Variants in AKAP9 observed in about 807,000 individuals in gnomAD.
AKAP9 encodes A-kinase anchor protein 9.
Under a neutral mutation model 488.5 loss-of-function variants are expected in AKAP9, and 311 were observed. The observed-to-expected ratio is 0.64, with a 90% confidence interval of 0.58 to 0.70. The LOEUF is 0.70. Among genes scored for constraint, AKAP9 ranks in the 30% least tolerant of loss-of-function variants. AKAP9 has a pLI of 0.00. For missense variants in AKAP9, 4,215 were observed against 4,374.5 expected, an observed-to-expected ratio of 0.96 and a Z score of 1.03; for synonymous variants, 1,462 against 1,483.5, an observed-to-expected ratio of 0.99 and a Z score of 0.33.
intron 28 of AKAP9, among the ~76,000 whole-genome samples, chr7:92,073,234 C>G (rs541229994): frequency 1.3e-5 from 2 of 151,928 alleles, no homozygotes. Context: ...TGGTGACTCA[C>G]GCCTGTAATC....
intron 14 of AKAP9, among the ~76,000 whole-genome samples, chr7:92,026,154 G>A (rs1157215415): frequency 2.6e-5 from 4 of 152,020 alleles, no homozygotes; most frequent in Admixed American, 2.0e-4. Context: ...GAAAATGAAG[G>A]TACATCATAT....
At chr7:92,028,471 G>A (rs1803690277) in intron 14 of AKAP9, among the ~76,000 whole-genome samples, 1 of 151,952 alleles carries the variant, frequency 6.6e-6, no homozygotes, top group South Asian at 2.1e-4. Flanking sequence ...GGACAATGAG[G>A]AAAACAGAGA....
rs777752444 is a variant in AKAP9 at position 92,065,288 on chromosome 7, C to G, written c.6035C>G (p.Ala2012Gly). ...MKEKLEVQCQAEKVRDDLQKQ... is the reference protein window; with the variant it reads ...MKEKLEVQCQGEKVRDDLQKQ... ...GAAAAACTAGAAGTACAATGTCAAG[C>G]TGAAAAAGTACGTGATGACCTTCAA... The change falls in exon 25 of 50, where the codon GCT becomes GGT. Residue 2012 changes from alanine (A) to glycine (G), a missense_variant. By Grantham distance (60) the Ala-to-Gly change is moderately conservative. This residue lies in a region of AKAP9 where 2,361 missense variants were observed against 2,430.0 expected (regional missense o/e 0.97). Transcript: ENST00000356239. 101 of 1,612,642 alleles carry G rather than the reference C, an allele frequency of 6.3e-5. No individual in the cohort carries two copies. Among genetic ancestry groups the G allele is most frequent in the Non-Finnish European group, 8.4e-5 (99 of 1,179,380 alleles).
chr7:92,092,296 G>A (rs575885857), intron 38 of AKAP9: 82 of 152,266 alleles, frequency 5.4e-4, no homozygotes, highest in African/African-American at 1.9e-3. Context: ...CCAAAGGGGG[G>A]TTTGAATTTC....
chr7:92,019,676 A>G (rs921119172), intron 12 of AKAP9, among the ~76,000 whole-genome samples: 1 of 151,082 alleles, frequency 6.6e-6, no homozygotes, highest in African/African-American at 2.4e-5. Flanking sequence ...GCATATATAA[A>G]ATAGTTTTCC....
At chr7:91,959,045 C>T (rs995731255) in intron 1 of AKAP9, among the ~76,000 whole-genome samples, 59 of 151,572 alleles carry the variant, frequency 3.9e-4, no homozygotes, top group African/African-American at 1.4e-3. Flanking sequence ...CCACCACGCC[C>T]GGCAAATTTT....
At chr7:92,106,501 G>A (rs1355887796) in intron 47 of AKAP9, among the ~76,000 whole-genome samples, 1 of 152,178 alleles carries the variant, frequency 6.6e-6, no homozygotes, top group Non-Finnish European at 1.5e-5. Flanking sequence ...TTAAGGCACG[G>A]TTCAAGACAG....
intron 8 of AKAP9, among the ~76,000 whole-genome samples, chr7:92,009,477 T>G (rs1800391941): frequency 6.6e-6 from 1 of 152,164 alleles, no homozygotes; most frequent in Non-Finnish European, 1.5e-5. Flanking sequence ...TCATAGAGAT[T>G]TTCCCTCTCT....
At chr7:92,057,793 C>T (rs561786898) in intron 22 of AKAP9, 60 of 222,554 alleles carry the variant, frequency 2.7e-4, no homozygotes, top group Admixed American at 8.6e-4. Flanking sequence ...TTTTATTGCT[C>T]GTCTAATTAG....
At chr7:92,097,906 G>T in intron 42 of AKAP9, 112 bp downstream of exon 42, 1 of 1,074,376 alleles carries the variant, frequency 9.3e-7, no homozygotes. Context: ...AAGGTAATGC[G>T]TGTTTACATT....
At chr7:92,047,661 A>T (rs765337995) in intron 21 of AKAP9, among the ~76,000 whole-genome samples, 9 of 152,230 alleles carry the variant, frequency 5.9e-5, no homozygotes, top group Non-Finnish European at 2.9e-5. Context: ...ATAGAGTCAT[A>T]ATATTTAATA....
At position 92,079,497 on chromosome 7, in the gene AKAP9, T is replaced by C; in HGVS notation, c.7364T>C (p.Ile2455Thr). 6.2e-7 allele frequency: 1 copy of C among 1,614,008 alleles called. No homozygotes were observed. Among genetic ancestry groups the C allele is most frequent in the South Asian group, 1.1e-5 (1 of 91,086 alleles). ...CCAGAGAATAGTGTTAACGTGGCTATAGATCATCTGAGCAAAGACAAACCT... is the reference window on the plus strand; with the variant it reads ...CCAGAGAATAGTGTTAACGTGGCTACAGATCATCTGAGCAAAGACAAACCT... ...SIPENSVNVA[I>T]DHLSKDKPEL... Residue 2455 changes from isoleucine to threonine, a missense_variant, in exon 31 of 50, where the codon ATA (isoleucine) becomes ACA (threonine). Ile to Thr is a moderately conservative substitution (Grantham distance 89, BLOSUM62 -1). Coordinates refer to ENST00000356239, the MANE Select transcript of AKAP9 (RefSeq NM_005751.5).
At chr7:92,045,656 A>C (rs1289600773) in intron 21 of AKAP9, among the ~76,000 whole-genome samples, 1 of 152,062 alleles carries the variant, frequency 6.6e-6, no homozygotes, top group African/African-American at 2.4e-5. Context: ...AAGAAACCCA[A>C]GATTTGGTGT....
At chr7:92,100,722 A>G (rs189366791) in intron 44 of AKAP9, 134 bp from the exon 45 acceptor site, 191 of 956,260 alleles carry the variant, frequency 2.0e-4, no homozygotes, top group African/African-American at 2.9e-4. Context: ...CGTAATGTCA[A>G]TTGAGATTGG....
chr7:92,007,453 T>A (rs1314854780), intron 8 of AKAP9, among the ~76,000 whole-genome samples: 1 of 152,140 alleles, frequency 6.6e-6, no homozygotes, highest in Non-Finnish European at 1.5e-5. Flanking sequence ...GGTTTCACCA[T>A]GTTGGCCAGG....
In AKAP9 at chr7:92,085,704, T is replaced by C. The variant is rs1814430591; in HGVS notation, c.9024+18T>C. 7.1e-6 allele frequency: 11 copies of C among 1,558,974 alleles called. No individual in the cohort carries two copies. The highest frequency in any genetic ancestry group is 8.8e-6 in the Non-Finnish European group (10 of 1,135,420). ...AAGCCGAGGTAACCAAAGAATACTA[T>C]GCATTTAAATCATTTTATGTATTAT... On this transcript the variant is annotated intron_variant, in intron 36 of 49. Transcript: ENST00000356239.
rs755599056 is a variant in AKAP9 at position 92,102,707 on chromosome 7, G to A, written c.11211G>A (p.Leu3737=). Reference sequence around the variant, plus strand: ...TCCAGGAATGTGAAGATGCCACCTTGGCCCTGCTTGCCCGGATGGGGGGGC... The same window carrying A: ...TCCAGGAATGTGAAGATGCCACCTTAGCCCTGCTTGCCCGGATGGGGGGGC... The part of the protein sequence containing the change: ...GGFQECEDAT[L]ALLARMGGQP... The change falls in exon 46 of 50, where the codon TTG becomes TTA. Residue 3737 remains leucine, a synonymous_variant. Transcript: ENST00000356239. The A allele has an allele frequency of 6.2e-7, 1 of 1,614,208 alleles. No individual in the cohort carries two copies. Among genetic ancestry groups the A allele is most frequent in the Admixed American group, 1.7e-5 (1 of 60,022 alleles).
intron 8 of AKAP9, among the ~76,000 whole-genome samples, chr7:92,011,047 A>G (rs987004580): frequency 6.6e-6 from 1 of 152,200 alleles, no homozygotes; most frequent in Non-Finnish European, 1.5e-5. Context: ...ATAGAAGGGA[A>G]ATTTCTTAAC....
intron 28 of AKAP9, among the ~76,000 whole-genome samples, chr7:92,071,390 T>G (rs1811709656): frequency 9.4e-6 from 1 of 106,322 alleles, no homozygotes; most frequent in African/African-American, 4.5e-5. Context: ...GCTGTGTGGT[T>G]TTTTTTTTTT....
Sources: allele counts gnomAD v4.1 joint callset (sites outside exome capture counted in the v4.1 genomes callset), GRCh38; gene constraint gnomAD v4.1.1; regional missense constraint gnomAD v4.1.1; transcripts MANE v1.5; gene names NCBI Gene and HGNC (gene_info 2026-07-23, HGNC 2026-07-21).